SAMD5: variants seen among roughly 807,000 people sequenced by gnomAD.
The protein encoded by SAMD5 is sterile alpha motif domain containing 5, also known as sterile alpha motif domain-containing protein 5.
In SAMD5, 13 loss-of-function variants were observed where a neutral mutation model predicts 11.3. The ratio of observed to expected loss-of-function variants is 1.15; its 90% CI spans 0.75 to 1.83. The LOEUF is 1.83. Ranked by LOEUF, SAMD5 falls within the 40% of genes most tolerant of loss-of-function variation. The pLI, the probability that SAMD5 is intolerant of heterozygous loss-of-function variation, is 0.00. For synonymous variants in SAMD5, 129 were observed against 111.3 expected, an observed-to-expected ratio of 1.16 and a Z score of -1.00; for missense variants, 255 against 239.1, an observed-to-expected ratio of 1.07 and a Z score of -0.44.
At chr6:147,629,502 A>G (rs777911751) in intron 1 of SAMD5, among the ~76,000 whole-genome samples, 1 of 152,194 alleles carries the variant, frequency 6.6e-6, no homozygotes, top group Non-Finnish European at 1.5e-5. Context: ...GACATGCAGG[A>G]TATAATTCAG....
At chr6:147,654,919 C>T (rs911240218) in intron 1 of SAMD5, among the ~76,000 whole-genome samples, 1 of 152,198 alleles carries the variant, frequency 6.6e-6, no homozygotes, top group Non-Finnish European at 1.5e-5. Context: ...GGATTGGTGG[C>T]AGGCACGTCT....
the SAMD5 span, among the ~76,000 whole-genome samples, chr6:147,885,537 C>T: frequency 6.6e-6 from 1 of 152,044 alleles, no homozygotes; most frequent in Non-Finnish European, 1.5e-5. Flanking sequence ...ATAATTAATA[C>T]TTCTGGTAAA....
chr6:147,689,060 T>C (rs1562352218), intron 1 of SAMD5, among the ~76,000 whole-genome samples: 1 of 151,460 alleles, frequency 6.6e-6, no homozygotes, highest in Non-Finnish European at 1.5e-5. Flanking sequence ...CTTTTCAGGA[T>C]GTTTTCCTGG....
chr6:147,727,972 CAGGGGTAATCACCTAGTAGAGG>C (rs1347786376), intron 1 of SAMD5, among the ~76,000 whole-genome samples: 6 of 152,166 alleles, frequency 3.9e-5, no homozygotes, highest in Non-Finnish European at 7.3e-5. Flanking sequence ...CAGACTGCAC[CAGGGGTAATCACCTAGTAGAGG>C]AGGGTGATTG....
intron 1 of SAMD5, among the ~76,000 whole-genome samples, chr6:147,636,992 C>T (rs1790240014): frequency 6.6e-6 from 1 of 151,970 alleles, no homozygotes; most frequent in African/African-American, 2.4e-5. Flanking sequence ...AACGATCTAG[C>T]CAAGTGAGAA....
intron 1 of SAMD5, among the ~76,000 whole-genome samples, chr6:147,626,790 T>G (rs1294677415): frequency 5.3e-5 from 1 of 18,946 alleles, no homozygotes; most frequent in African/African-American, 2.0e-4. Context: ...ACTGTTTCTA[T>G]GAAAAAAAAA....
At position 147,568,302 on chromosome 6, in the gene SAMD5, A is replaced by T; in HGVS notation, c.*3846A>T. 1.0e-6 allele frequency: 1 copy of T among 985,360 alleles called. No individual in the cohort carries two copies. 61.0% of individuals were successfully genotyped at this position (985,360 alleles called of 1,614,324 possible). A position where few individuals can be genotyped will look rare whatever the true frequency, so the allele number is the denominator to read the frequency against. On this transcript the variant is annotated 3_prime_UTR_variant, in exon 2 of 2. Transcript: ENST00000367474. ...ATGAGCATGTCTGAATTTTTCCCTT[A>T]TAAGAGCCTGAGTATTGTAACAGGT...
chr6:147,639,908 T>A (rs894514562), intron 1 of SAMD5, among the ~76,000 whole-genome samples: 7 of 152,160 alleles, frequency 4.6e-5, no homozygotes, highest in Non-Finnish European at 1.0e-4. Context: ...TAGAACAGGT[T>A]GCCACTGACT....
At chr6:147,647,607 G>A (rs1422684917) in intron 1 of SAMD5, among the ~76,000 whole-genome samples, 1 of 152,092 alleles carries the variant, frequency 6.6e-6, no homozygotes, top group Non-Finnish European at 1.5e-5. Context: ...TATGGAAGAG[G>A]ATGAGTTGGC....
chr6:147,597,400 C>A (rs998239255), intron 1 of SAMD5, among the ~76,000 whole-genome samples: 2 of 152,120 alleles, frequency 1.3e-5, no homozygotes, highest in African/African-American at 2.4e-5. Context: ...ATTAAAAGAG[C>A]CCAGTTGTGG....
At chr6:147,823,036 C>T in the SAMD5 span, among the ~76,000 whole-genome samples, 3 of 152,072 alleles carry the variant, frequency 2.0e-5, no homozygotes, top group African/African-American at 4.8e-5. Flanking sequence ...AGGCTGGTCT[C>T]GAACTCCTGA....
At chr6:147,516,660 C>G (rs1324568137) in intron 1 of SAMD5, among the ~76,000 whole-genome samples, 1 of 152,184 alleles carries the variant, frequency 6.6e-6, no homozygotes, top group African/African-American at 2.4e-5. Context: ...CACAAAAACC[C>G]TAGAGGCCTG....
At chr6:147,906,085 A>T in the SAMD5 span, among the ~76,000 whole-genome samples, 31 of 152,352 alleles carry the variant, frequency 2.0e-4, no homozygotes, top group South Asian at 1.0e-3. Context: ...AAATAGTCAC[A>T]CAGCATCCCA....
At chr6:147,593,093 G>A (rs1395402412) in intron 1 of SAMD5, among the ~76,000 whole-genome samples, 5 of 152,076 alleles carry the variant, frequency 3.3e-5, no homozygotes, top group African/African-American at 9.7e-5. Context: ...AGAGGGAAGC[G>A]GCTTTATTCG....
intron 1 of SAMD5, among the ~76,000 whole-genome samples, chr6:147,580,987 A>G (rs1427848186): frequency 1.3e-5 from 2 of 152,204 alleles, no homozygotes; most frequent in Non-Finnish European, 2.9e-5. Flanking sequence ...GACATTCTCT[A>G]GCCAAGGAAA....
intron 1 of SAMD5, among the ~76,000 whole-genome samples, chr6:147,518,925 T>C (rs1419454934): frequency 1.3e-5 from 2 of 152,212 alleles, no homozygotes; most frequent in African/African-American, 2.4e-5. Flanking sequence ...CCAATGACTG[T>C]GGATCATGCC....
chr6:147,573,987 G>C (rs553872635), downstream of SAMD5, among the ~76,000 whole-genome samples: 4 of 152,164 alleles, frequency 2.6e-5, no homozygotes, highest in African/African-American at 9.6e-5. Context: ...AATTAGCCGG[G>C]CGTGGTGGCA....
chr6:147,723,225 C>T (rs1008562722), intron 1 of SAMD5, among the ~76,000 whole-genome samples: 1 of 152,068 alleles, frequency 6.6e-6, no homozygotes, highest in Non-Finnish European at 1.5e-5. Flanking sequence ...TTCCTTTTTC[C>T]CCTTCTCTTT....
intron 1 of SAMD5, among the ~76,000 whole-genome samples, chr6:147,537,436 T>TGG (rs754957075): frequency 6.6e-6 from 1 of 152,064 alleles, no homozygotes; most frequent in Non-Finnish European, 1.5e-5. Flanking sequence ...TTGGCCAAAA[T>TGG]GGTAACTCCA....
Sources: gnomAD v4.1 joint callset for allele counts (sites outside exome capture counted in the v4.1 genomes callset) on GRCh38, gnomAD v4.1.1 for gene constraint, MANE v1.5 for transcripts, NCBI Gene and HGNC (gene_info 2026-07-23, HGNC 2026-07-21) for gene names.